GRID2: variants seen among roughly 807,000 people sequenced by gnomAD.
GRID2 encodes glutamate ionotropic receptor delta type subunit 2, also known as glutamate receptor ionotropic, delta-2.
GRID2 carries 33 observed loss-of-function variants against 114.8 expected under a neutral mutation model. The ratio of observed to expected loss-of-function variants is 0.29; its 90% CI spans 0.22 to 0.38. The LOEUF is 0.38. GRID2 is among the 10% of genes least tolerant of loss of function. The pLI, the probability that GRID2 is intolerant of heterozygous loss-of-function variation, is 1.00. For synonymous variants in GRID2, 505 were observed against 449.9 expected, an observed-to-expected ratio of 1.12 and a Z score of -1.55; for missense variants, 1,184 against 1,257.7, an observed-to-expected ratio of 0.94 and a Z score of 0.89.
intron 14 of GRID2, among the ~76,000 whole-genome samples, chr4:93,692,729 T>A (rs962818006): frequency 1.3e-5 from 2 of 152,206 alleles, no homozygotes; most frequent in Non-Finnish European, 2.9e-5. Context: ...TGATTTCTCC[T>A]GTATCTAGCA....
chr4:92,848,113 C>G (rs867964228), intron 2 of GRID2, among the ~76,000 whole-genome samples: 31 of 152,002 alleles, frequency 2.0e-4, no homozygotes, highest in Middle Eastern at 6.9e-3. Context: ...TACTGTGCAT[C>G]TCTTCCATTT....
At chr4:93,388,889 A>G (rs1405407035) in intron 8 of GRID2, among the ~76,000 whole-genome samples, 3 of 152,138 alleles carry the variant, frequency 2.0e-5, no homozygotes, top group African/African-American at 4.8e-5. Flanking sequence ...GACTGAGCTG[A>G]TAGTAGGGAT....
At chr4:92,912,689 T>A (rs966088021) in intron 2 of GRID2, among the ~76,000 whole-genome samples, 5 of 151,806 alleles carry the variant, frequency 3.3e-5, no homozygotes, top group African/African-American at 1.2e-4. Flanking sequence ...GTATTTAAAT[T>A]TTGTGATATT....
At chr4:93,683,590 C>T (rs1725799264) in intron 14 of GRID2, among the ~76,000 whole-genome samples, 1 of 152,002 alleles carries the variant, frequency 6.6e-6, no homozygotes, top group Admixed American at 6.6e-5. Context: ...TTTAGCTAAA[C>T]AATTGACAGC....
chr4:93,561,462 T>C (rs925415489), intron 13 of GRID2, among the ~76,000 whole-genome samples: 6 of 152,110 alleles, frequency 3.9e-5, no homozygotes, highest in African/African-American at 1.2e-4. Flanking sequence ...CCTAAACATG[T>C]ATAGCCTCCC....
intron 14 of GRID2, among the ~76,000 whole-genome samples, chr4:93,746,853 T>A (rs757417038): frequency 6.6e-6 from 1 of 152,108 alleles, no homozygotes; most frequent in Non-Finnish European, 1.5e-5. Context: ...ATTGGTCCAC[T>A]CTGATTGTCT....
intron 14 of GRID2, among the ~76,000 whole-genome samples, chr4:93,631,760 T>C (rs189872620): frequency 6.6e-6 from 1 of 152,334 alleles, no homozygotes; most frequent in Non-Finnish European, 1.5e-5. Flanking sequence ...CAAATGGTAT[T>C]TCTAGTTCTA....
chr4:93,474,297 T>A (rs886427981), intron 11 of GRID2, among the ~76,000 whole-genome samples: 3 of 152,174 alleles, frequency 2.0e-5, no homozygotes, highest in Admixed American at 6.5e-5. Flanking sequence ...ATTACTTCTC[T>A]TACTTGTCAT....
intron 12 of GRID2, among the ~76,000 whole-genome samples, chr4:93,496,132 A>C (rs1188502882): frequency 3.3e-5 from 5 of 151,560 alleles, no homozygotes; most frequent in Non-Finnish European, 5.9e-5. Context: ...AAAAAAAAAA[A>C]AAACAGGCTG....
At position 93,579,281 on chromosome 4, in the gene GRID2, G is replaced by A. The variant is rs114351114; in HGVS notation, c.2194-46988G>A. On this transcript the variant is annotated intron_variant, in intron 13 of 15. Coordinates refer to ENST00000282020, the MANE Select transcript of GRID2 (RefSeq NM_001510.4). ...ACTACCCACACAGTTCCAGTGTCAA[G>A]CACCAGAGGACACGTTCATATCACA... Among the ~76,000 whole-genome samples, 602 of 152,200 alleles carry A rather than the reference G, an allele frequency of 4.0e-3. 2 individuals carry two copies. Among genetic ancestry groups the A allele is most frequent in the African/African-American group, 0.014 (567 of 41,538 alleles).
intron 11 of GRID2, among the ~76,000 whole-genome samples, chr4:93,481,819 G>A (rs1346262171): frequency 6.6e-6 from 1 of 151,988 alleles, no homozygotes; most frequent in African/African-American, 2.4e-5. Flanking sequence ...CTAGGAGGGT[G>A]GAGAGGGACA....
intron 2 of GRID2, among the ~76,000 whole-genome samples, chr4:92,805,563 C>T (rs111259524): frequency 5.3e-5 from 8 of 152,056 alleles, no homozygotes; most frequent in African/African-American, 9.6e-5. Flanking sequence ...ATTTTGGAGA[C>T]ATCGTTTGGG....
At chr4:92,508,267 A>G (rs1323489614) in intron 1 of GRID2, among the ~76,000 whole-genome samples, 1 of 151,932 alleles carries the variant, frequency 6.6e-6, no homozygotes, top group Non-Finnish European at 1.5e-5. Flanking sequence ...ACACATATTC[A>G]TTGAAAACCT....
At chr4:92,930,910 A>C (rs1045863242) in intron 2 of GRID2, among the ~76,000 whole-genome samples, 1 of 151,160 alleles carries the variant, frequency 6.6e-6, no homozygotes, top group African/African-American at 2.4e-5. Flanking sequence ...AGGCACGGAA[A>C]GATTGGCAGG....
chr4:92,693,009 C>G (rs569012180), intron 2 of GRID2, among the ~76,000 whole-genome samples: 1 of 135,716 alleles, frequency 7.4e-6, no homozygotes, highest in Non-Finnish European at 1.5e-5. Flanking sequence ...GGCGATAGAG[C>G]GAAACTGTCT....
intron 8 of GRID2, among the ~76,000 whole-genome samples, chr4:93,293,952 T>A (rs950982374): frequency 6.6e-6 from 1 of 152,188 alleles, no homozygotes; most frequent in Non-Finnish European, 1.5e-5. Flanking sequence ...ACATAACATA[T>A]CATGTACTGA....
intron 1 of GRID2, among the ~76,000 whole-genome samples, chr4:92,523,820 C>T (rs750424651): frequency 2.6e-5 from 4 of 151,748 alleles, no homozygotes; most frequent in African/African-American, 9.7e-5. Context: ...GCCTACACTT[C>T]CAAGAGGTTC....
At chr4:92,545,579 A>G (rs1181854118) in intron 1 of GRID2, among the ~76,000 whole-genome samples, 3 of 152,220 alleles carry the variant, frequency 2.0e-5, no homozygotes, top group African/African-American at 7.2e-5. Flanking sequence ...CATACTTTAA[A>G]GTTCAAAATG....
At chr4:93,267,991 C>A (rs1307454074) in intron 8 of GRID2, among the ~76,000 whole-genome samples, 1 of 152,174 alleles carries the variant, frequency 6.6e-6, no homozygotes. Flanking sequence ...CCTGGATTGC[C>A]TGGCTATCTG....
Sources: allele counts gnomAD v4.1 joint callset (sites outside exome capture counted in the v4.1 genomes callset), GRCh38; gene constraint gnomAD v4.1.1; transcripts MANE v1.5; gene names NCBI Gene and HGNC (gene_info 2026-07-23, HGNC 2026-07-21).